The following HYAL4 variants were observed in gnomAD, a reference collection of about 807,000 sequenced individuals.
The protein encoded by HYAL4 is hyaluronidase-4.
HYAL4 carries 37 observed loss-of-function variants against 35.2 expected under a neutral mutation model. The ratio of observed to expected loss-of-function variants is 1.05; its 90% CI spans 0.81 to 1.38. The LOEUF is 1.38. HYAL4 is among the 40% of genes most tolerant of loss of function. The pLI is 0.00. For missense variants in HYAL4, 572 were observed against 572.4 expected (o/e 1.00, Z 0.01); for synonymous variants, 198 against 203.2 (o/e 0.97, Z 0.22).
intron 1 of HYAL4, among the ~76,000 whole-genome samples, chr7:123,832,618 G>A (rs982777025): frequency 6.9e-6 from 1 of 145,072 alleles, no homozygotes; most frequent in African/African-American, 2.5e-5. Context: ...TTCTGCCTCA[G>A]CCTCCCGAAT....
At chr7:123,793,172 C>T in the HYAL4 span, among the ~76,000 whole-genome samples, 1 of 152,188 alleles carries the variant, frequency 6.6e-6, no homozygotes. Context: ...CTGTGCTATC[C>T]AGGATGTACA....
the HYAL4 span, among the ~76,000 whole-genome samples, chr7:123,781,342 T>C: frequency 7.6e-6 from 1 of 132,098 alleles, no homozygotes; most frequent in Non-Finnish European, 1.6e-5. Context: ...AAGACCTTTG[T>C]TCACGTGTTT....
chr7:123,773,616 A>G, the HYAL4 span, among the ~76,000 whole-genome samples: 2 of 152,154 alleles, frequency 1.3e-5, no homozygotes, highest in African/African-American at 2.4e-5. Flanking sequence ...TAACAATTCA[A>G]TTTTACCTTG....
chr7:123,777,162 C>A, the HYAL4 span, among the ~76,000 whole-genome samples: 2 of 152,088 alleles, frequency 1.3e-5, no homozygotes, highest in African/African-American at 4.8e-5. Context: ...AATTCTCTTA[C>A]CATTATTTAT....
chr7:123,805,889 G>A, the HYAL4 span, among the ~76,000 whole-genome samples: 1 of 152,130 alleles, frequency 6.6e-6, no homozygotes, highest in African/African-American at 2.4e-5. Context: ...CAGCTACTTG[G>A]AGGCTGAAGC....
chr7:123,857,673 C>CTTTCTTTCTTTGTTTGTTTG (rs1277980640), intron 2 of HYAL4, among the ~76,000 whole-genome samples: 102 of 60,900 alleles, frequency 1.7e-3, no homozygotes, highest in Middle Eastern at 6.7e-3. Flanking sequence ...TTGTTTGTTT[C>CTTTCTTTCTTTGTTTGTTTG]TTTCTTTCTT....
At chr7:123,769,871 C>G in the HYAL4 span, among the ~76,000 whole-genome samples, 1 of 150,642 alleles carries the variant, frequency 6.6e-6, no homozygotes, top group East Asian at 1.9e-4. Context: ...CTTACTAATC[C>G]TGGGTAAAAT....
chr7:123,874,324 A>G (rs1381720908), intron 3 of HYAL4, among the ~76,000 whole-genome samples: 1 of 152,178 alleles, frequency 6.6e-6, no homozygotes, highest in East Asian at 1.9e-4. Context: ...AAAATAGAAA[A>G]TAGTATCTAA....
chr7:123,829,656 A>C (rs934150542), intron 1 of HYAL4, among the ~76,000 whole-genome samples: 1 of 152,096 alleles, frequency 6.6e-6, no homozygotes, highest in Admixed American at 6.6e-5. Context: ...ACAACATAGC[A>C]AGATCCCATC....
At chr7:123,858,521 A>T (rs769890872) in intron 2 of HYAL4, among the ~76,000 whole-genome samples, 12 of 152,138 alleles carry the variant, frequency 7.9e-5, no homozygotes, top group Middle Eastern at 6.8e-3. Context: ...CTTATGTGAA[A>T]ATGTCAAACA....
chr7:123,790,867 C>T, the HYAL4 span, among the ~76,000 whole-genome samples: 7 of 151,844 alleles, frequency 4.6e-5, no homozygotes, highest in East Asian at 1.9e-4. Flanking sequence ...CGAGTTCAAG[C>T]GATTCTCCTG....
chr7:123,792,531 T>C, the HYAL4 span, among the ~76,000 whole-genome samples: 7 of 152,222 alleles, frequency 4.6e-5, no homozygotes, highest in African/African-American at 1.7e-4. Context: ...TATATAATAA[T>C]AGTCCAAATC....
intron 1 of HYAL4, among the ~76,000 whole-genome samples, chr7:123,846,264 G>T (rs983073558): frequency 1.3e-5 from 2 of 151,948 alleles, no homozygotes; most frequent in African/African-American, 4.8e-5. Flanking sequence ...AGGACCATCA[G>T]GGGGGCAGGG....
the HYAL4 span, among the ~76,000 whole-genome samples, chr7:123,813,769 T>C: frequency 6.6e-6 from 1 of 152,314 alleles, no homozygotes; most frequent in East Asian, 1.9e-4. Flanking sequence ...TTGTAAGTAA[T>C]CAATAAGGAG....
chr7:123,856,163 G>A (rs1806432149), intron 2 of HYAL4, among the ~76,000 whole-genome samples: 4 of 151,916 alleles, frequency 2.6e-5, no homozygotes, highest in Admixed American at 2.6e-4. Flanking sequence ...TTAGCTCAGA[G>A]GAGTTTGTTA....
At chr7:123,833,872 T>A (rs1805921058) in intron 1 of HYAL4, among the ~76,000 whole-genome samples, 1 of 152,214 alleles carries the variant, frequency 6.6e-6, no homozygotes, top group Non-Finnish European at 1.5e-5. Flanking sequence ...TTTTGTTTGC[T>A]TTGTTGAAGA....
At chr7:123,871,131 A>G (rs181045145) in intron 3 of HYAL4, among the ~76,000 whole-genome samples, 1 of 151,918 alleles carries the variant, frequency 6.6e-6, no homozygotes. Flanking sequence ...GCTATTTCCA[A>G]GTGTTTTAAA....
Position 123,868,900 on chromosome 7 carries a change from C to T in HYAL4, c.627C>T (p.Ser209=). Residue 209 remains serine, a synonymous_variant, in exon 3 of 5, where the codon AGC becomes AGT. Coordinates refer to ENST00000223026, the MANE Select transcript of HYAL4 (RefSeq NM_012269.3). Reference sequence around the variant, plus strand: ...AAACCATCAAATTGGGAATTAAGAGCCGACCCAAAGGCCTTTGGGGTTATT... The same window carrying T: ...AAACCATCAAATTGGGAATTAAGAGTCGACCCAAAGGCCTTTGGGGTTATT... ...MKETIKLGIK[S]RPKGLWGYYL... 6.2e-7 allele frequency: 1 copy of T among 1,614,162 alleles called. No individual in the cohort carries two copies.
At chr7:123,867,928 A>C (rs988848706) in intron 2 of HYAL4, among the ~76,000 whole-genome samples, 8 of 152,214 alleles carry the variant, frequency 5.3e-5, no homozygotes, top group African/African-American at 1.9e-4. Context: ...GGTAAATATT[A>C]TTTCACATCT....
Sources: gnomAD v4.1 joint callset for allele counts (sites outside exome capture counted in the v4.1 genomes callset) on GRCh38, gnomAD v4.1.1 for gene constraint, MANE v1.5 for transcripts, NCBI Gene and HGNC (gene_info 2026-07-23, HGNC 2026-07-21) for gene names.